PCDHA12: variants seen among roughly 807,000 people sequenced by gnomAD.
PCDHA12 encodes the protein protocadherin alpha 12.
PCDHA12 carries 44 observed loss-of-function variants against 60.0 expected under a neutral mutation model. The observed-to-expected ratio is 0.73, with a 90% CI of 0.58 to 0.94. The LOEUF is 0.94. Among genes scored for constraint, PCDHA12 ranks in the 40% least tolerant of loss-of-function variants. The probability of loss-of-function intolerance (pLI) is 0.00; values close to 1 mark genes in which losing one functional copy is unlikely to be tolerated. For synonymous variants in PCDHA12, 569 were observed against 553.0 expected, an observed-to-expected ratio of 1.03 and a Z score of -0.40; for missense variants, 1,276 against 1,239.7, an observed-to-expected ratio of 1.03 and a Z score of -0.44.
At chr5:140,973,442 A>G (rs1230315099) in intron 1 of PCDHA12, among the ~76,000 whole-genome samples, 4 of 152,274 alleles carry the variant, frequency 2.6e-5, no homozygotes, top group Non-Finnish European at 5.9e-5. Context: ...TGGTCACTTT[A>G]TAATGACTGG....
chr5:140,878,516 G>C (rs2057626740), intron 1 of PCDHA12, among the ~76,000 whole-genome samples: 1 of 152,122 alleles, frequency 6.6e-6, no homozygotes, highest in African/African-American at 2.4e-5. Context: ...CAGTACAGTT[G>C]GTAACCAACT....
At chr5:140,890,700 A>T (rs1265643590) in intron 1 of PCDHA12, among the ~76,000 whole-genome samples, 1 of 152,214 alleles carries the variant, frequency 6.6e-6, no homozygotes, top group East Asian at 1.9e-4. Context: ...CAGGGACCTT[A>T]CATTTTTAAA....
At chr5:140,939,281 G>C (rs1554212652) in intron 1 of PCDHA12, among the ~76,000 whole-genome samples, 1 of 152,014 alleles carries the variant, frequency 6.6e-6, no homozygotes. Context: ...CTGTGCCCTC[G>C]TGATCTAATC....
Position 140,876,536 on chromosome 5 carries a change from TG to T in PCDHA12, c.1065del (p.Ser356ArgfsTer16), listed in dbSNP as rs781943442. ...GTCCCTGAAGTAATGGTTACTTCAC[TG>T]TCGCTCCCTGTGCAAGAGGATGCTC... ...DNVPEVMVTSLSLPVQEDAQV... is the reference protein window; with the variant it reads ...DNVPEVMVTSXSLPVQEDAQV... On this transcript the variant is annotated frameshift_variant, in exon 1 of 4. Coordinates refer to ENST00000398631, the MANE Select transcript of PCDHA12 (RefSeq NM_018903.4). LOFTEE classifies it high-confidence loss of function. The T allele has an allele frequency of 6.2e-7, 1 of 1,614,238 alleles. No individual in the cohort carries two copies. The highest frequency in any genetic ancestry group is 1.1e-5 in the South Asian group (1 of 91,090).
At chr5:140,997,978 C>A (rs1205743045) in intron 3 of PCDHA12, among the ~76,000 whole-genome samples, 2 of 152,182 alleles carry the variant, frequency 1.3e-5, no homozygotes, top group Admixed American at 1.3e-4. Context: ...TTGGACTGCA[C>A]TTGTTACATA....
chr5:140,981,969 T>C (rs1438723039), intron 2 of PCDHA12, among the ~76,000 whole-genome samples: 1 of 152,146 alleles, frequency 6.6e-6, no homozygotes, highest in African/African-American at 2.4e-5. Context: ...ATAAAAGATA[T>C]AGAAAGAGTA....
intron 1 of PCDHA12, chr5:140,966,383 C>T: frequency 2.5e-6 from 1 of 405,022 alleles, no homozygotes; most frequent in East Asian, 3.6e-5. Context: ...TCCGGGTTCG[C>T]TGTCCGCCAC....
chr5:140,929,124 C>A (rs2085843450), intron 1 of PCDHA12: 5 of 1,614,048 alleles, frequency 3.1e-6, no homozygotes, highest in Admixed American at 3.3e-5. Context: ...CCATAGATGT[C>A]ACTACAGTTG....
intron 1 of PCDHA12, among the ~76,000 whole-genome samples, chr5:140,898,600 G>A (rs2066865388): frequency 6.6e-6 from 1 of 152,184 alleles, no homozygotes; most frequent in Non-Finnish European, 1.5e-5. Context: ...TAGCCTTGTA[G>A]TATAGTTTGA....
At chr5:140,996,036 C>T (rs1324761666) in intron 3 of PCDHA12, among the ~76,000 whole-genome samples, 1 of 152,190 alleles carries the variant, frequency 6.6e-6, no homozygotes, top group Non-Finnish European at 1.5e-5. Context: ...GCTCCTAGCA[C>T]TTAACACAGT....
chr5:140,968,979 G>A (rs782482075), intron 1 of PCDHA12: 6 of 1,614,042 alleles, frequency 3.7e-6, no homozygotes, highest in South Asian at 3.3e-5. Context: ...ACTGCGTATG[G>A]CACTGCATGC....
intron 1 of PCDHA12, among the ~76,000 whole-genome samples, chr5:140,955,489 A>G (rs1554221953): frequency 1.3e-5 from 2 of 152,114 alleles, no homozygotes; most frequent in Non-Finnish European, 2.9e-5. Context: ...CCTTCCTGCC[A>G]CCATGTGAAG....
At chr5:140,990,395 G>A (rs916362624) in intron 3 of PCDHA12, among the ~76,000 whole-genome samples, 1 of 152,116 alleles carries the variant, frequency 6.6e-6, no homozygotes, top group Non-Finnish European at 1.5e-5. Flanking sequence ...GTTCCAAGAA[G>A]GTTCACCAGC....
At chr5:140,933,863 A>G (rs2089469278) in intron 1 of PCDHA12, among the ~76,000 whole-genome samples, 1 of 151,666 alleles carries the variant, frequency 6.6e-6, no homozygotes, top group Non-Finnish European at 1.5e-5. Context: ...ATTTTTTCAG[A>G]TATATGTTAG....
chr5:140,941,647 C>T (rs1435033243), intron 1 of PCDHA12, among the ~76,000 whole-genome samples: 2 of 152,002 alleles, frequency 1.3e-5, no homozygotes, highest in South Asian at 2.1e-4. Flanking sequence ...CTTCCTACAA[C>T]TTATGTCCAA....
intron 1 of PCDHA12, among the ~76,000 whole-genome samples, chr5:140,924,911 TA>T (rs1563069164): frequency 3.0e-4 from 18 of 59,772 alleles, no homozygotes; most frequent in Middle Eastern, 7.5e-3. Flanking sequence ...AAAAATAAAA[TA>T]AAATAAAATA....
intron 1 of PCDHA12, among the ~76,000 whole-genome samples, chr5:140,945,070 C>T (rs2093734077): frequency 6.6e-6 from 1 of 151,960 alleles, no homozygotes; most frequent in African/African-American, 2.4e-5. Context: ...ACAGACTCCA[C>T]CAAAACACTC....
At chr5:140,883,667 A>G in intron 1 of PCDHA12, 1 of 1,613,568 alleles carries the variant, frequency 6.2e-7, no homozygotes. Context: ...CGTGAAGGAA[A>G]ACAATCCGCC....
chr5:140,954,017 T>C (rs2094968085), intron 1 of PCDHA12, among the ~76,000 whole-genome samples: 1 of 152,162 alleles, frequency 6.6e-6, no homozygotes, highest in Admixed American at 6.5e-5. Flanking sequence ...CTCCCACACA[T>C]AGTGGGACGA....
Sources: allele counts gnomAD v4.1 joint callset (sites outside exome capture counted in the v4.1 genomes callset), GRCh38; gene constraint gnomAD v4.1.1; transcripts MANE v1.5; gene names NCBI Gene and HGNC (gene_info 2026-07-23, HGNC 2026-07-21).